The following CNOT4 variants were observed in gnomAD, a reference collection of about 807,000 sequenced individuals.
CNOT4 encodes CCR4-associated factor 4.
In CNOT4, 8 loss-of-function variants were observed where a neutral mutation model predicts 73.8. That is an observed-to-expected ratio of 0.11 (90% CI 0.06 to 0.20). The LOEUF is 0.20. Among genes scored for constraint, CNOT4 ranks in the 10% least tolerant of loss-of-function variants. The pLI is 1.00. For synonymous variants in CNOT4, 293 were observed against 321.1 expected (o/e 0.91, Z 0.94); for missense variants, 564 against 883.4 (o/e 0.64, Z 4.58).
chr7:135,492,585 G>A (rs1389016793), intron 1 of CNOT4, among the ~76,000 whole-genome samples: 1 of 152,122 alleles, frequency 6.6e-6, no homozygotes, highest in East Asian at 1.9e-4. Context: ...CAGTCAGAAA[G>A]AGCTTAGAAA....
chr7:135,466,017 C>G (rs1016286263), intron 1 of CNOT4, among the ~76,000 whole-genome samples: 3 of 151,382 alleles, frequency 2.0e-5, no homozygotes, highest in Non-Finnish European at 4.4e-5. Context: ...CCACTGCACT[C>G]CAGCCTGGGC....
At chr7:135,387,880 T>C in intron 10 of CNOT4, 1 of 966,962 alleles carries the variant, frequency 1.0e-6, no homozygotes, top group Non-Finnish European at 1.2e-6. Context: ...CTCTTCTGCC[T>C]TAGTCTCATT....
intron 10 of CNOT4, chr7:135,384,688 A>G: frequency 2.6e-6 from 2 of 765,316 alleles, no homozygotes; most frequent in Non-Finnish European, 4.8e-6. Flanking sequence ...TCTTCTCTTC[A>G]GCACTGCCAG....
chr7:135,482,077 G>A (rs1460809427), intron 1 of CNOT4, among the ~76,000 whole-genome samples: 1 of 152,128 alleles, frequency 6.6e-6, no homozygotes. Flanking sequence ...AAAGTAGCTA[G>A]AAGAAAGAAT....
chr7:135,477,125 C>T (rs572700725), intron 1 of CNOT4, among the ~76,000 whole-genome samples: 2 of 152,136 alleles, frequency 1.3e-5, no homozygotes, highest in Non-Finnish European at 1.5e-5. Context: ...GCAGATCACT[C>T]GAGGTCAGGA....
intron 6 of CNOT4, 92 bp from the exon 7 acceptor site, chr7:135,410,740 A>T: frequency 1.5e-6 from 1 of 675,966 alleles, no homozygotes; most frequent in South Asian, 4.4e-5. Flanking sequence ...AATATATTTT[A>T]AATAAAATAA....
chr7:135,388,600 T>C (rs1796242556), intron 10 of CNOT4: 1 of 1,186,646 alleles, frequency 8.4e-7, no homozygotes. Context: ...ATTACACTAA[T>C]AAATTATGTT....
chr7:135,454,338 T>C (rs1585669340), intron 1 of CNOT4, among the ~76,000 whole-genome samples: 1 of 151,794 alleles, frequency 6.6e-6, no homozygotes, highest in Non-Finnish European at 1.5e-5. Context: ...TCACAGAGAA[T>C]GTATATGTCA....
At chr7:135,415,146 G>A in intron 4 of CNOT4, 30 bp downstream of exon 4, 1 of 1,372,206 alleles carries the variant, frequency 7.3e-7, no homozygotes, top group Non-Finnish European at 1.0e-6. Context: ...ACCATAGGGA[G>A]GAAAAGCAAA....
intron 1 of CNOT4, among the ~76,000 whole-genome samples, chr7:135,449,828 GTT>G (rs35975371): frequency 6.4e-4 from 94 of 146,494 alleles, no homozygotes; most frequent in African/African-American, 1.4e-3. Flanking sequence ...AATATTGTGG[GTT>G]TTTTTTTTTT....
intron 1 of CNOT4, among the ~76,000 whole-genome samples, chr7:135,495,734 G>A (rs367695340): frequency 9.6e-6 from 1 of 104,010 alleles, no homozygotes; most frequent in Non-Finnish European, 2.2e-5. Flanking sequence ...AAGAAAGAAA[G>A]AAAGAAAGAA....
chr7:135,473,526 C>T lies in CNOT4; in HGVS notation c.-92-35103G>A, dbSNP rs144366135. ...ATTTTGGAAGGCGAGGCAGGTGGAT[C>T]CCTTGAGCCCACGAGTTTGAGACCT... On this transcript the variant is annotated intron_variant, in intron 1 of 11. Transcript: ENST00000541284. Among the ~76,000 whole-genome samples, 206 of 152,248 alleles carry T rather than the reference C, an allele frequency of 1.4e-3. 2 individuals are homozygous for T. Among genetic ancestry groups the T allele is most frequent in the African/African-American group, 4.5e-3 (185 of 41,556 alleles).
At chr7:135,393,575 A>C (rs1388454260) in intron 10 of CNOT4, among the ~76,000 whole-genome samples, 2 of 152,192 alleles carry the variant, frequency 1.3e-5, no homozygotes, top group African/African-American at 2.4e-5. Flanking sequence ...ATAAAATCAT[A>C]ATTTTCACCA....
intron 1 of CNOT4, chr7:135,444,639 T>C: frequency 8.6e-7 from 1 of 1,169,308 alleles, no homozygotes; most frequent in Non-Finnish European, 1.3e-6. Flanking sequence ...CAAGGCTGCA[T>C]CTCTCCACTG....
intron 1 of CNOT4, among the ~76,000 whole-genome samples, chr7:135,478,149 C>T (rs2551763): frequency 0.62 from 94,651 of 151,930 alleles, 29,666 homozygotes; most frequent in East Asian, 0.76. Context: ...ATATTTCACA[C>T]TCTTATTTGA....
At chr7:135,412,069 T>C (rs1797614836) in intron 6 of CNOT4, among the ~76,000 whole-genome samples, 1 of 151,948 alleles carries the variant, frequency 6.6e-6, no homozygotes, top group Non-Finnish European at 1.5e-5. Context: ...TGAAATTAGT[T>C]TTAAATTATT....
intron 6 of CNOT4, among the ~76,000 whole-genome samples, chr7:135,410,904 AG>A (rs1267732704): frequency 6.6e-6 from 1 of 151,876 alleles, no homozygotes; most frequent in Non-Finnish European, 1.5e-5. Context: ...AATTAAATTA[AG>A]GCATTTCATC....
At chr7:135,478,211 A>G (rs1260664614) in intron 1 of CNOT4, among the ~76,000 whole-genome samples, 4 of 152,140 alleles carry the variant, frequency 2.6e-5, no homozygotes, top group Non-Finnish European at 1.5e-5. Context: ...TTATTCCCCA[A>G]TGTCTCAACT....
At chr7:135,374,191 T>G (rs968504350) in intron 10 of CNOT4, among the ~76,000 whole-genome samples, 6 of 152,124 alleles carry the variant, frequency 3.9e-5, no homozygotes, top group Non-Finnish European at 8.8e-5. Context: ...CTCAAAGACT[T>G]TGTAGTTAGC....
Sources: gnomAD v4.1 joint callset for allele counts (sites outside exome capture counted in the v4.1 genomes callset) on GRCh38, gnomAD v4.1.1 for gene constraint, MANE v1.5 for transcripts, NCBI Gene and HGNC (gene_info 2026-07-23, HGNC 2026-07-21) for gene names.